Variants in SIGLEC1 observed in about 807,000 individuals in gnomAD.
SIGLEC1 encodes sialoadhesin.
SIGLEC1 carries 132 observed loss-of-function variants against 148.0 expected under a neutral mutation model. The ratio of observed to expected loss-of-function variants is 0.89; its 90% CI spans 0.77 to 1.03. The LOEUF (loss-of-function observed/expected upper bound fraction) is 1.03, where lower values mean the gene tolerates loss of function less well. Ranked by LOEUF, SIGLEC1 falls within the 50% of genes least tolerant of loss-of-function variation. The pLI is 0.00. For missense variants in SIGLEC1, 2,253 were observed against 2,271.4 expected (o/e 0.99, Z 0.16); for synonymous variants, 945 against 969.0 (o/e 0.98, Z 0.46).
rs779285260 is a variant in SIGLEC1, at chr20:3,699,362, G to T, written c.1626C>A (p.Arg542=). 4.4e-6 allele frequency: 7 copies of T among 1,608,978 alleles called. No individual in the cohort carries two copies. The highest frequency in any genetic ancestry group is 5.9e-6 in the Non-Finnish European group (7 of 1,178,470). ...RSGLSPTPDA[R]FSWYLNGALL... ...GGGCTCCATTCAGGTACCAGGAGAAGCGGGCATCAGGTGTGGGGCTTAGGC... is the reference window on the plus strand; with the variant it reads ...GGGCTCCATTCAGGTACCAGGAGAATCGGGCATCAGGTGTGGGGCTTAGGC... The change falls in exon 8 of 22, where the codon CGC becomes CGA. Residue 542 remains arginine, a synonymous_variant. Transcript: ENST00000344754.
At chr20:3,706,838 C>T in intron 2 of SIGLEC1, 132 bp from the exon 3 acceptor site, 1 of 1,185,960 alleles carries the variant, frequency 8.4e-7, no homozygotes, top group Non-Finnish European at 1.2e-6. Context: ...GAGAAATGCA[C>T]ACTTAGAGCA....
intron 7 of SIGLEC1, 139 bp from the exon 8 acceptor site, chr20:3,699,598 G>T (rs2087833699): frequency 2.9e-6 from 3 of 1,023,260 alleles, no homozygotes; most frequent in African/African-American, 3.3e-5. Flanking sequence ...AGGAGGGTTT[G>T]CCCTTTAATG....
At chr20:3,704,330 G>A (rs1035794501) in intron 4 of SIGLEC1, among the ~76,000 whole-genome samples, 17 of 152,166 alleles carry the variant, frequency 1.1e-4, no homozygotes, top group Admixed American at 2.0e-4. Context: ...CTTGGCCAGC[G>A]TCCAGCCTAC....
rs546468412 is a variant in SIGLEC1, at chr20:3,697,856, G to A, written c.2064C>T (p.Leu688=). 7.4e-6 allele frequency: 12 copies of A among 1,613,108 alleles called. No individual in the cohort carries two copies. The African/African-American group carries it at 1.1e-4, about 14-fold the overall frequency. The part of the protein sequence containing the change: ...NPLLEEEGLY[L]CEASNALGNA... Reference sequence around the variant, plus strand: ...TGCCCAGGGCATTGCTGGCCTCACAGAGGTACAAGCCCTCCTCTTCCAGCA... The same window carrying A: ...TGCCCAGGGCATTGCTGGCCTCACAAAGGTACAAGCCCTCCTCTTCCAGCA... The change falls in exon 9 of 22, where the codon CTC becomes CTT. Residue 688 remains leucine, a synonymous_variant. Coordinates refer to ENST00000344754, the MANE Select transcript of SIGLEC1 (RefSeq NM_023068.4).
rs757383172 is a variant in SIGLEC1, at chr20:3,691,482, C to T, written c.4449G>A (p.Trp1483Ter). 4 of 1,613,470 alleles carry T rather than the reference C, an allele frequency of 2.5e-6. No homozygotes were observed. In the South Asian group the frequency reaches 3.3e-5, roughly 13 times the overall value. Reference protein sequence around the residue: ...PVGNSTFAWFWNDRRLHAEPV... With the variant: ...PVGNSTFAWF Reference sequence around the variant, plus strand: ...GCTCCGCGTGCAGCCGCCGGTCATTCCAGAACCATGCAAAGGTGGAGTTGC... The same window carrying T: ...GCTCCGCGTGCAGCCGCCGGTCATTTCAGAACCATGCAAAGGTGGAGTTGC... Residue 1483 changes from tryptophan to a stop codon, truncating the protein, a stop_gained, in exon 18 of 22, where the codon TGG becomes TGA. Coordinates refer to ENST00000344754, the MANE Select transcript of SIGLEC1 (RefSeq NM_023068.4). LOFTEE classifies it high-confidence loss of function.
Position 3,697,213 on chromosome 20 carries a change from C to G in SIGLEC1, c.2252G>C (p.Trp751Ser). 2 of 1,613,922 alleles carry G rather than the reference C, an allele frequency of 1.2e-6. No homozygotes were observed. The highest frequency in any genetic ancestry group is 2.7e-5 in the African/African-American group (2 of 75,038). ...NFSWFRNGVL[W>S]AQGPLETVTL... ...CACGGTCTCCAGGGGACCCTGGGCC[C>G]ACAGCACCCCATTTCGGAACCAGGA... The change falls in exon 10 of 22, where the codon TGG becomes TCG. Residue 751 changes from tryptophan (W) to serine (S), a missense_variant. By Grantham distance (177) the Trp-to-Ser change is radical. Transcript: ENST00000344754.
rs368375699 is a variant in SIGLEC1, at chr20:3,691,964, A to G, written c.4269T>C (p.Tyr1423=). 11 of 1,610,410 alleles carry G rather than the reference A, an allele frequency of 6.8e-6. No individual in the cohort carries two copies. Among genetic ancestry groups the G allele is most frequent in the Non-Finnish European group, 9.3e-6 (11 of 1,177,526 alleles). Residue 1423 remains tyrosine, a synonymous_variant, in exon 17 of 22, where the codon TAT becomes TAC. Coordinates refer to ENST00000344754, the MANE Select transcript of SIGLEC1 (RefSeq NM_023068.4). ...CCAGCAAGTTTTGGGCTGTGCAAAC[A>G]TAGGTGTCATCACCTGCAGGCACAT... is the stretch of plus-strand genomic sequence containing the variant. ...VQDVPAGDDT[Y]VCTAQNLLGS... is the part of the protein sequence containing the mutation.
rs754135512 is a variant in SIGLEC1 at position 3,689,224 on chromosome 20, C to T, written c.5001G>A (p.Arg1667=). The T allele has an allele frequency of 1.7e-5, 27 of 1,613,996 alleles. No individual in the cohort carries two copies. Among genetic ancestry groups the T allele is most frequent in the Non-Finnish European group, 2.3e-5 (27 of 1,179,974 alleles). ...LGLGACYTWR[R]RRVCKQSMGE... ...CCATGCTCTGCTTACAAACACGCCT[C>T]CTTCTGCAAGGCCCGGAGTGGACTC... The change falls in exon 21 of 22, where the codon AGG becomes AGA. Residue 1667 remains arginine, a synonymous_variant. Coordinates refer to ENST00000344754, the MANE Select transcript of SIGLEC1 (RefSeq NM_023068.4).
rs758012001 is a variant in SIGLEC1, at chr20:3,699,454, G to A, written c.1534C>T (p.Arg512Cys). 2.1e-5 allele frequency: 34 copies of A among 1,607,362 alleles called. No individual in the cohort carries two copies. The highest frequency in any genetic ancestry group is 1.0e-4 in the Admixed American group (6 of 59,204). ...TCGGCTGCCGGGCTGATGAGGAGAC[G>A]GGCGGCTGCGGGGAGAGGAAGAGGC... ...STLDFHANAARLLISPAAEVV... is the reference protein window; with the variant it reads ...STLDFHANAACLLISPAAEVV... The change falls in exon 8 of 22, where the codon CGT becomes TGT. Residue 512 changes from arginine to cysteine, a missense_variant. Transcript: ENST00000344754.
Position 3,693,672 on chromosome 20 carries a change from C to A in SIGLEC1, c.3283G>T (p.Ala1095Ser). The change falls in exon 14 of 22, where the codon GCT becomes TCT. Residue 1095 changes from alanine (A) to serine (S), a missense_variant. By Grantham distance (99) the Ala-to-Ser change is moderately conservative. Transcript: ENST00000344754. Reference protein sequence around the residue: ...QAVNVQVWPGATVREGQLVNL... With the variant: ...QAVNVQVWPGSTVREGQLVNL... ...ACCAGCTGCCCCTCCCGCACGGTAG[C>A]CCCGGGCCACACCTGCACATTCACA... The A allele has an allele frequency of 1.3e-6, 2 of 1,598,554 alleles. No homozygotes were observed. Among genetic ancestry groups the A allele is most frequent in the Middle Eastern group, 1.7e-4 (1 of 5,990 alleles).
At chr20:3,704,576 T>G (rs898571017) in intron 4 of SIGLEC1, among the ~76,000 whole-genome samples, 1 of 152,254 alleles carries the variant, frequency 6.6e-6, no homozygotes, top group African/African-American at 2.4e-5. Flanking sequence ...CTGCATTTCC[T>G]TAAATCTTGT....
rs764118571 is a variant in SIGLEC1, at chr20:3,703,368, G to C, written c.1057C>G (p.Pro353Ala). 1 of 1,613,346 alleles carries C rather than the reference G, an allele frequency of 6.2e-7. No homozygotes were observed. The highest frequency in any genetic ancestry group is 1.7e-5 in the Admixed American group (1 of 59,970). Residue 353 changes from proline (P) to alanine (A), a missense_variant, in exon 6 of 22, where the codon CCC becomes GCC. Coordinates refer to ENST00000344754, the MANE Select transcript of SIGLEC1 (RefSeq NM_023068.4). ...TLVCNTPNEA[P>A]SDLRYSWYKN... ...TACCAGCTGTAGCGGAGATCACTGG[G>C]TGCCTCATTGGGTGTGTTGCAGACT...
rs1019906758 is a variant in SIGLEC1 at position 3,702,220 on chromosome 20, GA to G, written c.1229-580del. Among the ~76,000 whole-genome samples the G allele has an allele frequency of 2.6e-5, 4 of 151,992 alleles. No individual in the cohort carries two copies. In the South Asian group the frequency reaches 8.3e-4, roughly 32 times the overall value. Reference sequence around the variant, plus strand: ...TGAACTGTGATTGTATTCTGGACCAGAAAAAAAATGGCTACAAAAGACAGTA... The same window carrying G: ...TGAACTGTGATTGTATTCTGGACCAGAAAAAAATGGCTACAAAAGACAGTA... On this transcript the variant is annotated intron_variant, in intron 6 of 21. Coordinates refer to ENST00000344754, the MANE Select transcript of SIGLEC1 (RefSeq NM_023068.4).
chr20:3,692,052 C>T lies in SIGLEC1; in HGVS notation c.4181G>A (p.Ser1394Asn). The change falls in exon 17 of 22, where the codon AGC (serine) becomes AAC (asparagine). Residue 1394 changes from serine (S) to asparagine (N), a missense_variant. Ser to Asn is a conservative substitution (Grantham distance 46, BLOSUM62 1). Coordinates refer to ENST00000344754, the MANE Select transcript of SIGLEC1 (RefSeq NM_023068.4). ...GACATGGCCTGTCCCTGATGCCAAG[C>T]TGTGGACCCCGCTGCTCGTGGCCAG... The part of the protein sequence containing the change: ...KVLATSSGVH[S>N]LASGTGHVQV... 2.5e-6 allele frequency: 4 copies of T among 1,612,726 alleles called. No individual in the cohort carries two copies. Among genetic ancestry groups the T allele is most frequent in the Non-Finnish European group, 3.4e-6 (4 of 1,179,694 alleles).
chr20:3,704,380 T>C (rs2087877628), intron 4 of SIGLEC1, among the ~76,000 whole-genome samples: 1 of 152,192 alleles, frequency 6.6e-6, no homozygotes, highest in Admixed American at 6.5e-5. Context: ...TGCTGTCCAT[T>C]GCTCCTGCTC....
At chr20:3,691,877 C>T (rs755222596) in intron 17 of SIGLEC1, 26 bp downstream of exon 17, 1 of 1,548,498 alleles carries the variant, frequency 6.5e-7, no homozygotes, top group South Asian at 1.2e-5. Flanking sequence ...ATCAGAGCCC[C>T]TCCTCCTCCC....
At position 3,688,244 on chromosome 20, in the gene SIGLEC1, CGAG is replaced by C; in HGVS notation, c.*313_*315del. Reference sequence around the variant, plus strand: ...TCCAACCAAAGTCCAGGGTGACTTTCGAGGAGAAGGATGTGAAAGGGCAGGGCT... The same window carrying C: ...TCCAACCAAAGTCCAGGGTGACTTTCGAGAAGGATGTGAAAGGGCAGGGCT... On this transcript the variant is annotated 3_prime_UTR_variant, in exon 22 of 22. Transcript: ENST00000344754. 2.6e-6 allele frequency: 1 copy of C among 386,076 alleles called. No homozygotes were observed. The highest frequency in any genetic ancestry group is 4.9e-6 in the Non-Finnish European group (1 of 203,830). 23.9% of individuals were successfully genotyped at this position (386,076 alleles called of 1,614,324 possible).
In SIGLEC1 at chr20:3,692,672, A is replaced by C. The variant is rs753772123; in HGVS notation, c.3879T>G (p.Thr1293=). The C allele has an allele frequency of 6.2e-7, 1 of 1,613,124 alleles. No individual in the cohort carries two copies. The highest frequency in any genetic ancestry group is 8.5e-7 in the Non-Finnish European group (1 of 1,180,020). ...GCAGCCAACGACCGTTGTGGTACCA[A>C]GTATAGAGTGTGGGTGCGTGGGCAG... ...DPAAHAPTLY[T]WYHNGRWLQE... The change falls in exon 16 of 22, where the codon ACT becomes ACG. Residue 1293 remains threonine, a synonymous_variant. Coordinates refer to ENST00000344754, the MANE Select transcript of SIGLEC1 (RefSeq NM_023068.4).
Position 3,693,129 on chromosome 20 carries a change from C to T in SIGLEC1, c.3511G>A (p.Ala1171Thr), listed in dbSNP as rs576025043. The T allele has an allele frequency of 1.5e-5, 23 of 1,551,816 alleles. No individual in the cohort carries two copies. The Admixed American group carries it at 2.1e-4, about 14-fold the overall frequency. The change falls in exon 15 of 22, where the codon GCG (alanine) becomes ACG (threonine). Residue 1171 changes from alanine to threonine, a missense_variant and splice_region_variant. Ala to Thr is a moderately conservative substitution (Grantham distance 58). Coordinates refer to ENST00000344754, the MANE Select transcript of SIGLEC1 (RefSeq NM_023068.4). ...SRPITLDVLY[A>T]PRNLRLTYLL... is the part of the protein sequence containing the mutation. Reference sequence around the variant, plus strand: ...TAGGTCAGGCGCAGGTTGCGGGGCGCGTCTGCAGGGCATGAGAGGCTTACA... The same window carrying T: ...TAGGTCAGGCGCAGGTTGCGGGGCGTGTCTGCAGGGCATGAGAGGCTTACA...
Sources: gnomAD v4.1 joint callset for allele counts (sites outside exome capture counted in the v4.1 genomes callset) on GRCh38, gnomAD v4.1.1 for gene constraint, MANE v1.5 for transcripts, NCBI Gene and HGNC (gene_info 2026-07-23, HGNC 2026-07-21) for gene names.